Variants in SLC39A11 observed in about 807,000 individuals in gnomAD.
The protein encoded by SLC39A11 is zinc transporter ZIP11.
In SLC39A11, 33 loss-of-function variants were observed where a neutral mutation model predicts 36.1. The observed-to-expected ratio is 0.91, with a 90% CI of 0.69 to 1.22. SLC39A11 has a LOEUF of 1.22. Among genes scored for constraint, SLC39A11 ranks in the 50% most tolerant of loss-of-function variants. SLC39A11 has a pLI of 0.00. For synonymous variants in SLC39A11, 166 were observed against 170.3 expected, an observed-to-expected ratio of 0.97 and a Z score of 0.20; for missense variants, 432 against 430.3, an observed-to-expected ratio of 1.00 and a Z score of -0.03.
intron 6 of SLC39A11, among the ~76,000 whole-genome samples, chr17:72,738,398 T>C (rs1257503392): frequency 3.3e-5 from 5 of 152,126 alleles, no homozygotes; most frequent in African/African-American, 7.2e-5. Flanking sequence ...TCTACACTGA[T>C]GGGGTGGCTG....
chr17:72,999,639 AGCCACGGAAG>A (rs1166327360), intron 4 of SLC39A11, among the ~76,000 whole-genome samples: 1 of 152,352 alleles, frequency 6.6e-6, no homozygotes, highest in African/African-American at 2.4e-5. Flanking sequence ...TCCTCTGAGG[AGCCACGGAAG>A]GCAACAGGTC....
chr17:72,785,218 A>C (rs1262724618), intron 6 of SLC39A11, among the ~76,000 whole-genome samples: 1 of 152,164 alleles, frequency 6.6e-6, no homozygotes, highest in Non-Finnish European at 1.5e-5. Context: ...AGCCTGATAC[A>C]TTTGGAGATG....
chr17:72,869,121 C>T (rs888357143), intron 5 of SLC39A11, among the ~76,000 whole-genome samples: 3 of 152,170 alleles, frequency 2.0e-5, no homozygotes, highest in Non-Finnish European at 4.4e-5. Flanking sequence ...GGGAATAAGG[C>T]TCAGGCATGA....
chr17:72,932,392 C>A (rs1028832070), intron 5 of SLC39A11, among the ~76,000 whole-genome samples: 14 of 152,046 alleles, frequency 9.2e-5, no homozygotes, highest in African/African-American at 3.4e-4. Context: ...TTGCTGCACC[C>A]ATCAACCCGT....
At chr17:73,068,033 T>C (rs371149496) in intron 3 of SLC39A11, 1 of 1,587,654 alleles carries the variant, frequency 6.3e-7, no homozygotes, top group East Asian at 2.2e-5. Context: ...TTTGATGAAG[T>C]CAATGAGTCC....
chr17:72,882,260 G>A (rs932521378), intron 5 of SLC39A11, among the ~76,000 whole-genome samples: 9 of 151,710 alleles, frequency 5.9e-5, no homozygotes, highest in African/African-American at 9.7e-5. Flanking sequence ...GGACGCTGAC[G>A]CAGGAGAATC....
At chr17:73,017,337 G>A (rs765826820) in intron 4 of SLC39A11, among the ~76,000 whole-genome samples, 1 of 152,182 alleles carries the variant, frequency 6.6e-6, no homozygotes, top group Non-Finnish European at 1.5e-5. Context: ...GGTGCACCAC[G>A]TTCACCTGAA....
intron 6 of SLC39A11, among the ~76,000 whole-genome samples, chr17:72,809,199 TTCTC>T (rs66472539): frequency 1.4e-3 from 142 of 102,196 alleles, no homozygotes; most frequent in Non-Finnish European, 1.7e-3. Context: ...TTTCTTTTCT[TTCTC>T]TCTCTCTCTC....
intron 5 of SLC39A11, among the ~76,000 whole-genome samples, chr17:72,942,121 C>A (rs564595380): frequency 9.9e-5 from 15 of 151,754 alleles, no homozygotes; most frequent in South Asian, 2.1e-4. Context: ...GTCTCGAACT[C>A]CTGACCTGAG....
chr17:72,915,705 A>C (rs1395454236), intron 5 of SLC39A11, among the ~76,000 whole-genome samples: 6 of 152,238 alleles, frequency 3.9e-5, no homozygotes, highest in Admixed American at 3.9e-4. Context: ...AAGCCGAGCC[A>C]GTCTGACAAT....
At chr17:72,819,271 C>T (rs1030979943) in intron 6 of SLC39A11, among the ~76,000 whole-genome samples, 4 of 151,178 alleles carry the variant, frequency 2.6e-5, no homozygotes, top group African/African-American at 9.7e-5. Context: ...GAGAAGATGA[C>T]GTCAAGAGAC....
chr17:72,991,153 C>T (rs905162703), intron 4 of SLC39A11, among the ~76,000 whole-genome samples: 5 of 152,162 alleles, frequency 3.3e-5, no homozygotes, highest in Non-Finnish European at 7.3e-5. Flanking sequence ...GCTCTTCTCT[C>T]TCCGCACCAA....
chr17:72,998,305 T>C (rs1432403710), intron 4 of SLC39A11, among the ~76,000 whole-genome samples: 3 of 152,128 alleles, frequency 2.0e-5, no homozygotes, highest in African/African-American at 7.2e-5. Flanking sequence ...TTGTCTGAAA[T>C]GCATGCCCCA....
At chr17:72,741,991 C>A (rs1438369852) in intron 6 of SLC39A11, among the ~76,000 whole-genome samples, 1 of 152,122 alleles carries the variant, frequency 6.6e-6, no homozygotes, top group East Asian at 1.9e-4. Context: ...TGCTTGAGAT[C>A]AGGAGCTCAA....
chr17:72,833,985 T>C (rs191872749), intron 6 of SLC39A11, among the ~76,000 whole-genome samples: 66 of 152,354 alleles, frequency 4.3e-4, no homozygotes, highest in Admixed American at 1.8e-3. Flanking sequence ...TCACAATATA[T>C]GTAGGACATA....
chr17:72,802,473 C>A (rs555509087), intron 6 of SLC39A11, among the ~76,000 whole-genome samples: 109 of 151,636 alleles, frequency 7.2e-4, no homozygotes, highest in African/African-American at 2.5e-3. Context: ...GCCTGTAATC[C>A]CAGCTACTTG....
intron 6 of SLC39A11, among the ~76,000 whole-genome samples, chr17:72,833,313 A>C (rs1386581803): frequency 2.0e-5 from 3 of 152,242 alleles, no homozygotes; most frequent in Non-Finnish European, 4.4e-5. Context: ...AATAGGTTAT[A>C]ACATGGAAGA....
At chr17:72,924,390 A>C (rs2083908667) in intron 5 of SLC39A11, among the ~76,000 whole-genome samples, 1 of 152,070 alleles carries the variant, frequency 6.6e-6, no homozygotes, top group African/African-American at 2.4e-5. Context: ...ATCCAGAAGG[A>C]GAGATATGTC....
chr17:73,021,603 C>T (rs1438492113), intron 4 of SLC39A11, among the ~76,000 whole-genome samples: 1 of 152,004 alleles, frequency 6.6e-6, no homozygotes, highest in Non-Finnish European at 1.5e-5. Flanking sequence ...CTGGGATTAC[C>T]AACGTGAGCC....
Sources: gnomAD v4.1 joint callset for allele counts (sites outside exome capture counted in the v4.1 genomes callset) on GRCh38, gnomAD v4.1.1 for gene constraint, MANE v1.5 for transcripts, NCBI Gene and HGNC (gene_info 2026-07-23, HGNC 2026-07-21) for gene names.